The following CHST11 variants were observed in gnomAD, a reference collection of about 807,000 sequenced individuals.
CHST11 encodes carbohydrate sulfotransferase 11.
A neutral mutation model predicts 30.4 loss-of-function variants in CHST11; 9 were observed. The observed-to-expected ratio is 0.30, with a 90% CI of 0.18 to 0.52. The LOEUF (loss-of-function observed/expected upper bound fraction) is 0.52, where lower values mean the gene tolerates loss of function less well. Among genes scored for constraint, CHST11 ranks in the 20% least tolerant of loss-of-function variants. CHST11 has a pLI of 0.97. For synonymous variants in CHST11, 152 were observed against 187.8 expected, an observed-to-expected ratio of 0.81 and a Z score of 1.56; for missense variants, 348 against 460.6, an observed-to-expected ratio of 0.76 and a Z score of 2.24.
chr12:104,744,066 A>G (rs1377696998), intron 2 of CHST11, among the ~76,000 whole-genome samples: 8 of 152,188 alleles, frequency 5.3e-5, no homozygotes, highest in African/African-American at 1.9e-4. Context: ...CAGTGAACAC[A>G]TGTGTGCATG....
chr12:104,725,515 A>AT (rs201640286), intron 2 of CHST11, among the ~76,000 whole-genome samples: 1,442 of 143,684 alleles, frequency 0.01, 28 homozygotes, highest in African/African-American at 0.032. Context: ...AAAGCTGTTA[A>AT]TTTTTTTTTT....
intron 1 of CHST11, among the ~76,000 whole-genome samples, chr12:104,581,921 G>A (rs770300768): frequency 9.2e-5 from 14 of 152,328 alleles, no homozygotes; most frequent in East Asian, 3.9e-4. Flanking sequence ...AGGAAGAGAA[G>A]TTGAGAACAA....
At chr12:104,544,521 A>G (rs1371798121) in intron 1 of CHST11, among the ~76,000 whole-genome samples, 1 of 152,102 alleles carries the variant, frequency 6.6e-6, no homozygotes, top group African/African-American at 2.4e-5. Flanking sequence ...AGCCTGGCCA[A>G]CATGGTGAAA....
At chr12:104,500,405 C>T (rs182544302) in intron 1 of CHST11, among the ~76,000 whole-genome samples, 1 of 152,224 alleles carries the variant, frequency 6.6e-6, no homozygotes, top group East Asian at 1.9e-4. Context: ...TTTTAAGCCA[C>T]GTAGCTAATC....
chr12:104,494,244 G>T (rs755318043), intron 1 of CHST11, among the ~76,000 whole-genome samples: 1 of 152,274 alleles, frequency 6.6e-6, no homozygotes, highest in East Asian at 1.9e-4. Context: ...ATGCCGTGCC[G>T]ATGAGAGACA....
At chr12:104,678,064 T>G (rs1382487680) in intron 2 of CHST11, among the ~76,000 whole-genome samples, 1 of 152,238 alleles carries the variant, frequency 6.6e-6, no homozygotes, top group East Asian at 1.9e-4. Flanking sequence ...TTGCCTTGTT[T>G]TATTGTCTTC....
At chr12:104,650,068 G>A (rs535512507) in intron 2 of CHST11, among the ~76,000 whole-genome samples, 62 of 152,314 alleles carry the variant, frequency 4.1e-4, no homozygotes, top group African/African-American at 1.4e-3. Flanking sequence ...AGAGAGGGCA[G>A]GGGAGAGGGA....
At chr12:104,567,613 G>C (rs950255113) in intron 1 of CHST11, among the ~76,000 whole-genome samples, 1 of 152,124 alleles carries the variant, frequency 6.6e-6, no homozygotes, top group African/African-American at 2.4e-5. Context: ...GCTCCACCTA[G>C]CATGAGCTCT....
At position 104,457,138 on chromosome 12, in the gene CHST11, GGAGGAGGCGGCGGAGCGGC is replaced by G. The variant is rs898315906; in HGVS notation, c.-266_-248del. The G allele has an allele frequency of 3.8e-4, 104 of 271,220 alleles. 1 individual carries two copies. The highest frequency in any genetic ancestry group is 2.6e-3 in the Admixed American group (48 of 18,460). The allele number at this position is 271,220 out of a possible 1,614,324, so 16.8% of individuals were successfully genotyped here. ...GGCAGCGGCGGCCGCCGGCGGGATC[GGAGGAGGCGGCGGAGCGGC>G]GAGGAGGAGGAGCAGGAGCGCGCAG... On this transcript the variant is annotated 5_prime_UTR_variant, in exon 1 of 3. Coordinates refer to ENST00000303694, the MANE Select transcript of CHST11 (RefSeq NM_018413.6).
intron 1 of CHST11, among the ~76,000 whole-genome samples, chr12:104,565,756 G>A (rs2038558797): frequency 6.6e-6 from 1 of 152,176 alleles, no homozygotes; most frequent in Admixed American, 6.5e-5. Flanking sequence ...CAGCATAGTT[G>A]TTAGGAAACC....
intron 1 of CHST11, among the ~76,000 whole-genome samples, chr12:104,469,455 A>G (rs2037487252): frequency 6.6e-6 from 1 of 152,206 alleles, no homozygotes; most frequent in Non-Finnish European, 1.5e-5. Flanking sequence ...CCATTTCTGA[A>G]GCTGAACTCC....
intron 1 of CHST11, among the ~76,000 whole-genome samples, chr12:104,533,606 A>T (rs533154605): frequency 1.3e-5 from 2 of 152,352 alleles, no homozygotes; most frequent in South Asian, 4.1e-4. Context: ...GAATAAATAA[A>T]TCAATAAATA....
chr12:104,653,172 G>A (rs911784420), intron 2 of CHST11, among the ~76,000 whole-genome samples: 2 of 152,032 alleles, frequency 1.3e-5, no homozygotes, highest in East Asian at 1.9e-4. Context: ...CCAGCCTCTC[G>A]TAACCACCAT....
intron 1 of CHST11, among the ~76,000 whole-genome samples, chr12:104,484,995 C>G (rs1179180094): frequency 6.6e-6 from 1 of 152,126 alleles, no homozygotes; most frequent in African/African-American, 2.4e-5. Context: ...TCTGGACTGT[C>G]TATTTCAGAA....
At chr12:104,739,736 C>G (rs1265377050) in intron 2 of CHST11, among the ~76,000 whole-genome samples, 1 of 152,242 alleles carries the variant, frequency 6.6e-6, no homozygotes, top group Non-Finnish European at 1.5e-5. Context: ...CAGACTTCAT[C>G]CCTTTAAACC....
chr12:104,532,761 C>CTCACTG (rs1041348758), intron 1 of CHST11, among the ~76,000 whole-genome samples: 16 of 152,150 alleles, frequency 1.1e-4, no homozygotes, highest in African/African-American at 3.9e-4. Flanking sequence ...CCTAAGACTG[C>CTCACTG]TCACTGTCCC....
At chr12:104,607,139 G>T (rs1324686365) in intron 2 of CHST11, among the ~76,000 whole-genome samples, 1 of 152,088 alleles carries the variant, frequency 6.6e-6, no homozygotes, top group East Asian at 1.9e-4. Flanking sequence ...CTGATAGATA[G>T]CCCAGTGAAG....
intron 2 of CHST11, among the ~76,000 whole-genome samples, chr12:104,704,939 T>C (rs1263786173): frequency 1.3e-5 from 2 of 152,158 alleles, no homozygotes; most frequent in East Asian, 3.9e-4. Context: ...ACAAAGGGTA[T>C]TTAGTGGCAT....
At chr12:104,606,971 G>A (rs916646082) in intron 2 of CHST11, among the ~76,000 whole-genome samples, 9 of 152,032 alleles carry the variant, frequency 5.9e-5, no homozygotes, top group Non-Finnish European at 1.2e-4. Context: ...GGGAGGCTGA[G>A]GCAGGAAAAC....
Sources: gnomAD v4.1 joint callset for allele counts (sites outside exome capture counted in the v4.1 genomes callset) on GRCh38, gnomAD v4.1.1 for gene constraint, MANE v1.5 for transcripts, NCBI Gene and HGNC (gene_info 2026-07-23, HGNC 2026-07-21) for gene names.